Variants in MRPL1 observed in about 807,000 individuals in gnomAD.
MRPL1 encodes large ribosomal subunit protein uL1m.
Under a neutral mutation model 38.0 loss-of-function variants are expected in MRPL1, and 28 were observed. That is an observed-to-expected ratio of 0.74 (90% CI 0.55 to 1.01). The LOEUF (loss-of-function observed/expected upper bound fraction) is 1.01, where lower values mean the gene tolerates loss of function less well. MRPL1 is among the 50% of genes least tolerant of loss of function. The probability of loss-of-function intolerance (pLI) is 0.00; values close to 1 mark genes in which losing one functional copy is unlikely to be tolerated. For synonymous variants in MRPL1, 123 were observed against 126.7 expected (o/e 0.97, Z 0.20); for missense variants, 358 against 389.8 (o/e 0.92, Z 0.69).
intron 2 of MRPL1, among the ~76,000 whole-genome samples, chr4:77,878,894 A>G (rs1011974882): frequency 3.3e-5 from 5 of 152,228 alleles, no homozygotes; most frequent in East Asian, 1.9e-4. Flanking sequence ...AAAAAAAATC[A>G]TATTTTATTG....
intron 2 of MRPL1, among the ~76,000 whole-genome samples, chr4:77,882,636 C>G (rs867892377): frequency 2.2e-4 from 33 of 152,228 alleles, no homozygotes; most frequent in African/African-American, 7.7e-4. Flanking sequence ...AGGGTTCATG[C>G]GTGTTGTAGC....
chr4:77,891,826 A>T (rs1220859030), intron 5 of MRPL1, among the ~76,000 whole-genome samples: 1 of 152,184 alleles, frequency 6.6e-6, no homozygotes, highest in South Asian at 2.1e-4. Context: ...ATTCTGTAGT[A>T]TAGAAAATAT....
intron 5 of MRPL1, among the ~76,000 whole-genome samples, chr4:77,893,235 G>C (rs1448814441): frequency 6.6e-6 from 1 of 152,106 alleles, no homozygotes; most frequent in East Asian, 1.9e-4. Context: ...TCCCACCTCA[G>C]CCTCCCGGTT....
chr4:77,882,193 T>A (rs373866563), intron 2 of MRPL1, among the ~76,000 whole-genome samples: 1 of 152,250 alleles, frequency 6.6e-6, no homozygotes, highest in South Asian at 2.1e-4. Flanking sequence ...GTTTGCCAAC[T>A]CTGCTCTAGT....
At chr4:77,887,164 C>A (rs1213249287) in intron 4 of MRPL1, 56 bp from the exon 5 acceptor site, 15 of 1,307,504 alleles carry the variant, frequency 1.1e-5, no homozygotes, top group Non-Finnish European at 1.7e-5. Flanking sequence ...TACTTCAAAG[C>A]AGACTGAATA....
chr4:77,884,619 G>C (rs1468803635), intron 3 of MRPL1, among the ~76,000 whole-genome samples: 1 of 152,208 alleles, frequency 6.6e-6, no homozygotes, highest in Non-Finnish European at 1.5e-5. Flanking sequence ...TGATGGTCTA[G>C]GTTGTTTCAA....
chr4:77,880,777 A>G (rs952841608), intron 2 of MRPL1, among the ~76,000 whole-genome samples: 2 of 152,166 alleles, frequency 1.3e-5, no homozygotes, highest in Non-Finnish European at 2.9e-5. Flanking sequence ...GCACCTTGTT[A>G]GCTTTTGCTA....
At chr4:77,943,499 A>G (rs1036755372) in intron 7 of MRPL1, among the ~76,000 whole-genome samples, 1 of 152,020 alleles carries the variant, frequency 6.6e-6, no homozygotes, top group Non-Finnish European at 1.5e-5. Flanking sequence ...TTCCTCAGGA[A>G]CACCAATTAT....
intron 6 of MRPL1, among the ~76,000 whole-genome samples, chr4:77,899,358 CG>C (rs1343923870): frequency 3.9e-5 from 6 of 151,966 alleles, no homozygotes; most frequent in Non-Finnish European, 7.4e-5. Flanking sequence ...CGAGCCCCCC[CG>C]CACCTTCATT....
intron 5 of MRPL1, among the ~76,000 whole-genome samples, chr4:77,889,953 A>G (rs1264126051): frequency 6.6e-6 from 1 of 152,206 alleles, no homozygotes; most frequent in Non-Finnish European, 1.5e-5. Context: ...CCCTGAATAG[A>G]CCAATAACAG....
At chr4:77,942,674 T>C (rs955994241) in intron 7 of MRPL1, among the ~76,000 whole-genome samples, 1 of 152,238 alleles carries the variant, frequency 6.6e-6, no homozygotes, top group Non-Finnish European at 1.5e-5. Flanking sequence ...TTGTTTTGTC[T>C]GATATAAGAA....
chr4:77,924,737 T>C (rs1213867860), intron 7 of MRPL1, among the ~76,000 whole-genome samples: 2 of 152,224 alleles, frequency 1.3e-5, no homozygotes, highest in African/African-American at 2.4e-5. Flanking sequence ...TTTTACTTTG[T>C]ACATCAAGAA....
intron 2 of MRPL1, among the ~76,000 whole-genome samples, 191 bp from the exon 3 acceptor site, chr4:77,883,051 T>C (rs532579442): frequency 6.6e-6 from 1 of 152,338 alleles, no homozygotes; most frequent in South Asian, 2.1e-4. Context: ...ATTCAACTTA[T>C]TCATGACTTC....
At chr4:77,927,850 G>A (rs1736750508) in intron 7 of MRPL1, among the ~76,000 whole-genome samples, 1 of 152,056 alleles carries the variant, frequency 6.6e-6, no homozygotes, top group Non-Finnish European at 1.5e-5. Flanking sequence ...TAATGCTATT[G>A]GCAAATCCAA....
intron 4 of MRPL1, among the ~76,000 whole-genome samples, chr4:77,885,573 GC>G (rs1284337653): frequency 1.3e-5 from 2 of 152,076 alleles, no homozygotes; most frequent in Non-Finnish European, 2.9e-5. Flanking sequence ...CACCATGTTG[GC>G]CGGGGTAGTC....
intron 7 of MRPL1, among the ~76,000 whole-genome samples, chr4:77,930,527 C>T (rs1033190327): frequency 6.6e-6 from 1 of 152,114 alleles, no homozygotes; most frequent in Admixed American, 6.6e-5. Context: ...GAGGCGGAGC[C>T]GAGTTAGTGA....
chr4:77,867,742 A>G (rs1388246531), intron 1 of MRPL1, among the ~76,000 whole-genome samples: 1 of 59,864 alleles, frequency 1.7e-5, no homozygotes, highest in Non-Finnish European at 3.2e-5. Context: ...TTGGATAGTT[A>G]TTTCTTTTTT....
intron 2 of MRPL1, 117 bp downstream of exon 2, chr4:77,871,972 T>C (rs1735290598): frequency 1.2e-5 from 8 of 686,162 alleles, no homozygotes; most frequent in Non-Finnish European, 2.0e-5. Context: ...TTATTATTTC[T>C]GCTTCATCGA....
rs537891396 is a variant in MRPL1 at position 77,903,967 on chromosome 4, C to T, written c.671-5299C>T. 3.8e-4 allele frequency among the ~76,000 whole-genome samples: 58 copies of T among 152,042 alleles called. 2 individuals are homozygous for T. The South Asian group carries it at 8.9e-3, about 23-fold the overall frequency. On this transcript the variant is annotated intron_variant, in intron 6 of 8. Coordinates refer to ENST00000315567, the MANE Select transcript of MRPL1 (RefSeq NM_020236.4). The stretch of plus-strand genomic sequence containing the variant: ...ATGGAAAAAATGATTTTAGGCTGAG[C>T]GCAGTGGCACACTCACACCTGTAAT...
Sources: allele counts gnomAD v4.1 joint callset (sites outside exome capture counted in the v4.1 genomes callset), GRCh38; gene constraint gnomAD v4.1.1; transcripts MANE v1.5; gene names NCBI Gene and HGNC (gene_info 2026-07-23, HGNC 2026-07-21).